ATXN7L1: variants seen among roughly 807,000 people sequenced by gnomAD.
ATXN7L1 encodes ataxin 7 like 1, also known as ataxin-7-like protein 1.
ATXN7L1 carries 15 observed loss-of-function variants against 70.8 expected under a neutral mutation model. That is an observed-to-expected ratio of 0.21 (90% CI 0.14 to 0.33). The LOEUF is 0.33. ATXN7L1 is among the 10% of genes least tolerant of loss of function. The pLI is 1.00. For missense variants in ATXN7L1, 975 were observed against 1,097.1 expected, an observed-to-expected ratio of 0.89 and a Z score of 1.57; for synonymous variants, 440 against 445.1, an observed-to-expected ratio of 0.99 and a Z score of 0.14.
chr7:105,776,654 A>C (rs909127694), intron 3 of ATXN7L1, among the ~76,000 whole-genome samples: 1 of 152,100 alleles, frequency 6.6e-6, no homozygotes, highest in Admixed American at 6.5e-5. Context: ...ATAAGTACAT[A>C]AGAATTTGCA....
chr7:105,708,896 T>C (rs1178502672), intron 3 of ATXN7L1, among the ~76,000 whole-genome samples: 2 of 152,210 alleles, frequency 1.3e-5, no homozygotes, highest in East Asian at 3.9e-4. Flanking sequence ...AGGACAAATG[T>C]TGCTTTTAGC....
chr7:105,787,633 T>C (rs535166217), intron 3 of ATXN7L1, among the ~76,000 whole-genome samples: 1 of 152,298 alleles, frequency 6.6e-6, no homozygotes, highest in Non-Finnish European at 1.5e-5. Flanking sequence ...TAATGATAAC[T>C]GAAGAGGTGG....
intron 5 of ATXN7L1, among the ~76,000 whole-genome samples, chr7:105,640,278 C>T (rs951930193): frequency 4.6e-5 from 7 of 152,296 alleles, no homozygotes; most frequent in Non-Finnish European, 7.4e-5. Context: ...AGCTGCTCCC[C>T]GCCCCCACTG....
intron 2 of ATXN7L1, among the ~76,000 whole-genome samples, chr7:105,852,931 C>T (rs1815092705): frequency 6.6e-6 from 1 of 152,072 alleles, no homozygotes; most frequent in African/African-American, 2.4e-5. Context: ...ACATTACGCT[C>T]AGTGAAAGAA....
intron 3 of ATXN7L1, among the ~76,000 whole-genome samples, chr7:105,710,549 AGGCACCTGCCACCACGTCT>A (rs1246988632): frequency 1.3e-5 from 2 of 151,900 alleles, no homozygotes; most frequent in Non-Finnish European, 2.9e-5. Context: ...CTGGGACTAC[AGGCACCTGCCACCACGTCT>A]GGCTAATTTT....
chr7:105,813,835 C>G (rs1808803294), intron 2 of ATXN7L1, among the ~76,000 whole-genome samples: 1 of 152,096 alleles, frequency 6.6e-6, no homozygotes, highest in Non-Finnish European at 1.5e-5. Flanking sequence ...CCCCCAGTAT[C>G]CTAGGATGTC....
chr7:105,716,832 A>G (rs1415462597), intron 3 of ATXN7L1, among the ~76,000 whole-genome samples: 1 of 152,070 alleles, frequency 6.6e-6, no homozygotes, highest in Non-Finnish European at 1.5e-5. Flanking sequence ...GTGAGCCATG[A>G]TAGCACCACT....
chr7:105,790,040 G>C (rs1412755510), intron 2 of ATXN7L1, among the ~76,000 whole-genome samples: 1 of 152,196 alleles, frequency 6.6e-6, no homozygotes, highest in Non-Finnish European at 1.5e-5. Context: ...TAAATGAAGA[G>C]AGGCAGACAC....
chr7:105,653,720 G>A (rs956316962), intron 4 of ATXN7L1, among the ~76,000 whole-genome samples: 1 of 152,122 alleles, frequency 6.6e-6, no homozygotes, highest in Non-Finnish European at 1.5e-5. Context: ...AGGTCCAAGT[G>A]TAACCTTCAC....
intron 3 of ATXN7L1, among the ~76,000 whole-genome samples, chr7:105,784,244 G>T (rs2116470512): frequency 6.6e-6 from 1 of 152,280 alleles, no homozygotes; most frequent in South Asian, 2.1e-4. Flanking sequence ...GATTATAGGT[G>T]TAAGCCACTG....
chr7:105,750,483 T>C (rs748337564), intron 3 of ATXN7L1, among the ~76,000 whole-genome samples: 1 of 151,738 alleles, frequency 6.6e-6, no homozygotes, highest in Non-Finnish European at 1.5e-5. Flanking sequence ...CTATGTTGCC[T>C]AGGCTGGTTT....
At chr7:105,679,792 G>T (rs1239671632) in intron 3 of ATXN7L1, among the ~76,000 whole-genome samples, 3 of 152,082 alleles carry the variant, frequency 2.0e-5, no homozygotes, top group African/African-American at 7.2e-5. Flanking sequence ...AAGAAGGCGG[G>T]GGGAGTGACT....
chr7:105,790,606 T>TTATTTATC (rs1805008403), intron 2 of ATXN7L1, among the ~76,000 whole-genome samples: 1 of 133,560 alleles, frequency 7.5e-6, no homozygotes, highest in Non-Finnish European at 1.6e-5. Context: ...AAGAAAAAAA[T>TTATTTATC]TATCTATCTA....
intron 4 of ATXN7L1, among the ~76,000 whole-genome samples, chr7:105,647,896 G>A (rs891025050): frequency 6.6e-6 from 1 of 152,116 alleles, no homozygotes. Context: ...TCCTAATTTG[G>A]AATTTTTTCT....
At chr7:105,737,236 C>A (rs1406423138) in intron 3 of ATXN7L1, among the ~76,000 whole-genome samples, 1 of 152,238 alleles carries the variant, frequency 6.6e-6, no homozygotes, top group Non-Finnish European at 1.5e-5. Flanking sequence ...TTGATAAACT[C>A]TTTTGCGCCT....
chr7:105,633,804 T>C (rs1562927931), intron 7 of ATXN7L1, among the ~76,000 whole-genome samples: 2 of 152,046 alleles, frequency 1.3e-5, no homozygotes, highest in African/African-American at 4.8e-5. Context: ...AGTTGCCAGA[T>C]AAAAGAGAGG....
intron 4 of ATXN7L1, among the ~76,000 whole-genome samples, chr7:105,655,163 G>A (rs977762931): frequency 1.3e-5 from 2 of 152,102 alleles, no homozygotes; most frequent in Admixed American, 6.6e-5. Context: ...TACACCCAAG[G>A]AGCTGTCCAT....
rs191932274 is a variant in ATXN7L1 at position 105,869,944 on chromosome 7, T to C, written c.250+5868A>G. 1.6e-3 allele frequency among the ~76,000 whole-genome samples: 249 copies of C among 152,356 alleles called. 3 individuals are homozygous for C. The highest frequency in any genetic ancestry group is 6.1e-3 in the Admixed American group (94 of 15,300). ...CAGCCTAAGTATTATTCGACAGCTA[T>C]TGATAAAACTTATCAATGATCACTT... On this transcript the variant is annotated intron_variant, in intron 2 of 11. Transcript: ENST00000419735.
intron 2 of ATXN7L1, among the ~76,000 whole-genome samples, chr7:105,805,153 G>A (rs1332135201): frequency 6.6e-6 from 1 of 152,240 alleles, no homozygotes; most frequent in Non-Finnish European, 1.5e-5. Flanking sequence ...CAGACAGTTA[G>A]AGAATGGGAT....
Sources: gnomAD v4.1 joint callset for allele counts (sites outside exome capture counted in the v4.1 genomes callset) on GRCh38, gnomAD v4.1.1 for gene constraint, MANE v1.5 for transcripts, NCBI Gene and HGNC (gene_info 2026-07-23, HGNC 2026-07-21) for gene names.